Variants in DCBLD2 observed in about 807,000 individuals in gnomAD.
The protein encoded by DCBLD2 is discoidin, CUB and LCCL domain-containing protein 2.
In DCBLD2, 54 loss-of-function variants were observed where a neutral mutation model predicts 86.8. That is an observed-to-expected ratio of 0.62 (90% CI 0.50 to 0.78). The LOEUF (loss-of-function observed/expected upper bound fraction) is 0.78. Ranked by LOEUF, DCBLD2 falls within the 30% of genes least tolerant of loss-of-function variation. The probability of loss-of-function intolerance (pLI) is 0.00; values close to 1 mark genes in which losing one functional copy is unlikely to be tolerated. For synonymous variants in DCBLD2, 354 were observed against 341.3 expected (o/e 1.04, Z -0.41); for missense variants, 908 against 954.2 (o/e 0.95, Z 0.64).
rs147127276 is a variant in DCBLD2 at position 98,841,790 on chromosome 3, C to T, written c.571+7671G>A. 6.6e-3 allele frequency among the ~76,000 whole-genome samples: 1,011 copies of T among 152,260 alleles called. 41 individuals carry two copies. Among genetic ancestry groups the T allele is most frequent in the Admixed American group, 0.057 (877 of 15,284 alleles). On this transcript the variant is annotated intron_variant, in intron 3 of 15. Coordinates refer to ENST00000326840, the MANE Select transcript of DCBLD2 (RefSeq NM_080927.4). The stretch of plus-strand genomic sequence containing the variant: ...TCTAACTCAAGAAAGTGGCCAGGCA[C>T]GGTGGCTCATGCCTGTAATCCCAGC...
In DCBLD2 at chr3:98,801,651, T is replaced by C; in HGVS notation, c.1671-2A>G. 1 of 1,604,446 alleles carries C rather than the reference T, an allele frequency of 6.2e-7. No homozygotes were observed. The highest frequency in any genetic ancestry group is 8.5e-7 in the Non-Finnish European group (1 of 1,175,042). ...TAGGTGCCTTCAGTTTTTTTCTTTC[T>C]GGAAAAATACAGAAGAGAAGTTAGC... On this transcript the variant is annotated splice_acceptor_variant, in intron 13 of 15. Coordinates refer to ENST00000326840, the MANE Select transcript of DCBLD2 (RefSeq NM_080927.4). LOFTEE classifies it high-confidence loss of function.
At chr3:98,812,937 C>T (rs1941962230) in intron 9 of DCBLD2, 1 of 153,064 alleles carries the variant, frequency 6.5e-6, no homozygotes. Context: ...TTTCTCTCAA[C>T]AGGCTGAAGG....
At chr3:98,878,369 C>G (rs918435585) in intron 2 of DCBLD2, among the ~76,000 whole-genome samples, 1 of 152,118 alleles carries the variant, frequency 6.6e-6, no homozygotes, top group Non-Finnish European at 1.5e-5. Flanking sequence ...AAGCATCAGA[C>G]ACACATCCCA....
At chr3:98,870,763 A>AAG (rs1346895972) in intron 2 of DCBLD2, among the ~76,000 whole-genome samples, 1 of 135,898 alleles carries the variant, frequency 7.4e-6, no homozygotes, top group African/African-American at 2.7e-5. Flanking sequence ...GAAAGAAAGA[A>AAG]AGAAAGAAAG....
At position 98,812,434 on chromosome 3, in the gene DCBLD2, A is replaced by T; in HGVS notation, c.1261T>A (p.Leu421Met). The T allele has an allele frequency of 6.2e-7, 1 of 1,613,512 alleles. No homozygotes were observed. Among genetic ancestry groups the T allele is most frequent in the Non-Finnish European group, 8.5e-7 (1 of 1,179,632 alleles). The change falls in exon 10 of 16, where the codon TTG becomes ATG. Residue 421 changes from leucine (L) to methionine (M), a missense_variant. Leu to Met is a conservative substitution (Grantham distance 15). Coordinates refer to ENST00000326840, the MANE Select transcript of DCBLD2 (RefSeq NM_080927.4). ...DYHQDVRNNF[L>M]PPIIARFIRV... Reference sequence around the variant, plus strand: ...ATAAAACGTGCAATAATTGGTGGCAAAAAGTTATTACGCACATCCTGGTGA... The same window carrying T: ...ATAAAACGTGCAATAATTGGTGGCATAAAGTTATTACGCACATCCTGGTGA...
At chr3:98,839,149 T>TTCTTTCTTTCTTTC (rs1942563854) in intron 3 of DCBLD2, among the ~76,000 whole-genome samples, 1 of 4,428 alleles carries the variant, frequency 2.3e-4, no homozygotes, top group Non-Finnish European at 3.9e-3. Flanking sequence ...CCTTCCTTCT[T>TTCTTTCTTTCTTTC]TCTTTCTTTC....
chr3:98,848,088 G>A (rs1227448474), intron 3 of DCBLD2, among the ~76,000 whole-genome samples: 2 of 152,076 alleles, frequency 1.3e-5, no homozygotes, highest in African/African-American at 4.8e-5. Context: ...TATTAAGCCT[G>A]GTATCCATTA....
chr3:98,825,382 TAAA>T lies in DCBLD2; in HGVS notation c.572-19_572-17del. On this transcript the variant is annotated splice_polypyrimidine_tract_variant and intron_variant, in intron 3 of 15. Transcript: ENST00000326840. ...GTAATTAGATCTAGAAAAACAAAAA[TAAA>T]AAACTGATTCCATTAATATACAGGA... 6.7e-7 allele frequency: 1 copy of T among 1,498,340 alleles called. No individual in the cohort carries two copies. Among genetic ancestry groups the T allele is most frequent in the Non-Finnish European group, 8.9e-7 (1 of 1,125,558 alleles). The allele number at this position is 1,498,340 out of a possible 1,614,324, so 92.8% of individuals were successfully genotyped here.
chr3:98,819,094 A>C (rs1361479588), intron 8 of DCBLD2, 108 bp downstream of exon 8: 2 of 1,074,012 alleles, frequency 1.9e-6, no homozygotes, highest in Non-Finnish European at 2.7e-6. Flanking sequence ...ATAAAACCAT[A>C]TAATTACAAT....
In DCBLD2 at chr3:98,798,420, C is replaced by A. The variant is rs2107412240; in HGVS notation, c.*952G>T. The stretch of plus-strand genomic sequence containing the variant: ...TATTACTTCTGAGTGAATAATTTTG[C>A]CTTTCACTGTGATAAATATAAGTGG... On this transcript the variant is annotated 3_prime_UTR_variant, in exon 16 of 16. Coordinates refer to ENST00000326840, the MANE Select transcript of DCBLD2 (RefSeq NM_080927.4). 6.6e-6 allele frequency: 1 copy of A among 152,204 alleles called. No homozygotes were observed. Among genetic ancestry groups the A allele is most frequent in the South Asian group, 2.1e-4 (1 of 4,822 alleles). The allele number at this position is 152,204 out of a possible 1,614,324, so 9.4% of individuals were successfully genotyped here.
At position 98,841,897 on chromosome 3, in the gene DCBLD2, CCAA is replaced by C. The variant is rs1306096293; in HGVS notation, c.571+7561_571+7563del. On this transcript the variant is annotated intron_variant, in intron 3 of 15. Transcript: ENST00000326840. ...CTAACACAGTGAAACCCCGTCTCTA[CCAA>C]AAAAAATACAAAAAATTAGCCGGGC... 2.0e-5 allele frequency among the ~76,000 whole-genome samples: 3 copies of C among 151,866 alleles called. No individual in the cohort carries two copies. The East Asian group carries it at 5.8e-4, about 29-fold the overall frequency.
chr3:98,865,941 T>C (rs1943135293), intron 2 of DCBLD2, among the ~76,000 whole-genome samples: 1 of 146,504 alleles, frequency 6.8e-6, no homozygotes, highest in African/African-American at 2.5e-5. Context: ...TTCCCACCTA[T>C]GAGTGAGAAC....
intron 2 of DCBLD2, among the ~76,000 whole-genome samples, chr3:98,855,596 T>C (rs1208937184): frequency 6.6e-6 from 1 of 152,238 alleles, no homozygotes; most frequent in Non-Finnish European, 1.5e-5. Flanking sequence ...TTTAAAACTA[T>C]GCATTTCTTT....
At chr3:98,860,242 G>A (rs1393817550) in intron 2 of DCBLD2, among the ~76,000 whole-genome samples, 2 of 152,148 alleles carry the variant, frequency 1.3e-5, no homozygotes, top group Admixed American at 6.5e-5. Context: ...CCAAATCTAC[G>A]TCTGATTGGT....
intron 9 of DCBLD2, among the ~76,000 whole-genome samples, chr3:98,816,991 C>T (rs1942034234): frequency 6.6e-6 from 1 of 152,130 alleles, no homozygotes; most frequent in African/African-American, 2.4e-5. Context: ...CCATGTTGCC[C>T]AGGCTGGTTT....
chr3:98,886,933 A>G (rs1435589596), intron 1 of DCBLD2, among the ~76,000 whole-genome samples: 1 of 151,762 alleles, frequency 6.6e-6, no homozygotes, highest in African/African-American at 2.4e-5. Flanking sequence ...ATTAAACTCC[A>G]AATCAAGTGT....
Position 98,822,229 on chromosome 3 carries a change from C to T in DCBLD2, c.829G>A (p.Val277Met), listed in dbSNP as rs369313436. The change falls in exon 6 of 16, where the codon GTG (valine) becomes ATG (methionine). Residue 277 changes from valine (V) to methionine (M), a missense_variant and splice_region_variant. Val to Met is a conservative substitution (Grantham distance 21). Transcript: ENST00000326840. ...SSLANNVTSV[V>M]GHLSTSLFTF... ...TTTTTAAATTGCATATATACTTACA[C>T]CACAGATGTGACGTTGTTAGCCAAA... 69 of 1,613,548 alleles carry T rather than the reference C, an allele frequency of 4.3e-5. No homozygotes were observed. In the African/African-American group the frequency reaches 6.8e-4, roughly 16 times the overall value.
intron 2 of DCBLD2, among the ~76,000 whole-genome samples, chr3:98,870,789 G>GA (rs769924309): frequency 6.6e-6 from 1 of 150,876 alleles, no homozygotes; most frequent in Non-Finnish European, 1.5e-5. Context: ...AAGAAAGAAA[G>GA]AAAGAAAGAA....
At chr3:98,814,659 G>A (rs887481253) in intron 9 of DCBLD2, 40 of 152,210 alleles carry the variant, frequency 2.6e-4, no homozygotes, top group South Asian at 8.3e-4. Flanking sequence ...CAGTCTCTGC[G>A]TACTCATGCA....
Sources: gnomAD v4.1 joint callset for allele counts (sites outside exome capture counted in the v4.1 genomes callset) on GRCh38, gnomAD v4.1.1 for gene constraint, MANE v1.5 for transcripts, NCBI Gene and HGNC (gene_info 2026-07-23, HGNC 2026-07-21) for gene names.